Variants in RFX7 observed in about 807,000 individuals in gnomAD.
RFX7 encodes DNA-binding protein RFX7.
A neutral mutation model predicts 111.8 loss-of-function variants in RFX7; 26 were observed. The ratio of observed to expected loss-of-function variants is 0.23; its 90% confidence interval spans 0.17 to 0.32. The LOEUF (loss-of-function observed/expected upper bound fraction) is 0.32, where lower values mean the gene tolerates loss of function less well. RFX7 is among the 10% of genes least tolerant of loss of function. RFX7 has a pLI of 1.00. For missense variants in RFX7, 1,573 were observed against 1,772.9 expected (o/e 0.89, Z 2.02); for synonymous variants, 624 against 624.4 (o/e 1.00, Z 0.01).
At chr15:56,125,020 TA>T (rs2042124459) in intron 5 of RFX7, among the ~76,000 whole-genome samples, 1 of 152,218 alleles carries the variant, frequency 6.6e-6, no homozygotes. Flanking sequence ...CATTTTGAGT[TA>T]ATTTTTGTAT....
At chr15:56,158,778 G>A (rs535973470) in intron 3 of RFX7, among the ~76,000 whole-genome samples, 60 of 152,198 alleles carry the variant, frequency 3.9e-4, no homozygotes, top group Middle Eastern at 3.4e-3. Flanking sequence ...AGCCAGGATT[G>A]TGCCACTACA....
intron 5 of RFX7, among the ~76,000 whole-genome samples, chr15:56,113,668 A>AT (rs1476517015): frequency 1.4e-3 from 131 of 96,828 alleles, no homozygotes; most frequent in Non-Finnish European, 2.4e-3. Flanking sequence ...GTAAAATAAA[A>AT]TTAAAAAAAA....
chr15:56,184,193 ATTTTTTTTTT>A (rs35880948), intron 2 of RFX7, among the ~76,000 whole-genome samples: 1 of 80,734 alleles, frequency 1.2e-5, no homozygotes, highest in South Asian at 4.6e-4. Flanking sequence ...CTAATTTTGT[ATTTTTTTTTT>A]TTTTTTTTTT....
rs869249448 is a variant in RFX7, at chr15:56,218,144, C to CTTTTT, written c.161+24976_161+24980dup. Reference sequence around the variant, plus strand: ...TTACAAGTAATTTAGAAATGATTTTCTTTTTTTTTTTTTTTTTTTTTTTTT... The same window carrying CTTTTT: ...TTACAAGTAATTTAGAAATGATTTTCTTTTTTTTTTTTTTTTTTTTTTTTTTTTTT... On this transcript the variant is annotated intron_variant, in intron 2 of 9. Transcript: ENST00000559447. Among the ~76,000 whole-genome samples, 21 of 57,968 alleles carry CTTTTT rather than the reference C, an allele frequency of 3.6e-4. 2 individuals carry two copies. Among genetic ancestry groups the CTTTTT allele is most frequent in the African/African-American group, 7.9e-4 (11 of 13,870 alleles). The allele number at this position is 57,968 out of a possible 152,430, so 38.0% of individuals were successfully genotyped here.
intron 2 of RFX7, among the ~76,000 whole-genome samples, chr15:56,200,874 A>G (rs1293396869): frequency 1.3e-5 from 2 of 152,206 alleles, no homozygotes; most frequent in African/African-American, 4.8e-5. Context: ...ATGTGACTTC[A>G]ATTTTTTGAA....
At chr15:56,181,888 G>A (rs191397445) in intron 2 of RFX7, among the ~76,000 whole-genome samples, 71 of 152,214 alleles carry the variant, frequency 4.7e-4, no homozygotes, top group African/African-American at 1.6e-3. Context: ...GCAACCAAGC[G>A]CATTACTGCC....
chr15:56,202,743 C>T (rs537843817), intron 2 of RFX7, among the ~76,000 whole-genome samples: 22 of 152,316 alleles, frequency 1.4e-4, no homozygotes, highest in Admixed American at 9.1e-4. Context: ...GCCAAGGAGT[C>T]TGAGGCTGCA....
chr15:56,231,429 G>A (rs773676597), intron 2 of RFX7, among the ~76,000 whole-genome samples: 1 of 152,128 alleles, frequency 6.6e-6, no homozygotes, highest in Non-Finnish European at 1.5e-5. Context: ...GAGAAGATGA[G>A]AGTCAAGTGA....
At chr15:56,217,519 A>G (rs937099587) in intron 2 of RFX7, among the ~76,000 whole-genome samples, 1 of 151,280 alleles carries the variant, frequency 6.6e-6, no homozygotes, top group Non-Finnish European at 1.5e-5. Context: ...CTTTCTCTTG[A>G]TGTCATAAAG....
chr15:56,144,607 G>A lies in RFX7; in HGVS notation c.196-124C>T, dbSNP rs1304569077. 3 of 329,866 alleles carry A rather than the reference G, an allele frequency of 9.1e-6. No homozygotes were observed. In the East Asian group the frequency reaches 2.2e-4, roughly 24 times the overall value. The allele number at this position is 329,866 out of a possible 1,614,324, so 20.4% of individuals were successfully genotyped here. On this transcript the variant is annotated intron_variant, in intron 3 of 9. Transcript: ENST00000559447. ...TAAATTTAAAACAGATGAATCATCT[G>A]TCTTTTCTCATCACTAAAATAATAC...
Position 56,089,975 on chromosome 15 carries a change from G to T in RFX7, c.*3370C>A, listed in dbSNP as rs776227965. 10 of 152,140 alleles carry T rather than the reference G, an allele frequency of 6.6e-5. No homozygotes were observed. Among genetic ancestry groups the T allele is most frequent in the South Asian group, 6.2e-4 (3 of 4,814 alleles). The allele number at this position is 152,140 out of a possible 1,614,324, so 9.4% of individuals were successfully genotyped here. Reference sequence around the variant, plus strand: ...ATAGTCCCTGGCACTGGTTGTTGTTGCTTCTCAGTTTCAAGAGTGAGGAAA... The same window carrying T: ...ATAGTCCCTGGCACTGGTTGTTGTTTCTTCTCAGTTTCAAGAGTGAGGAAA... On this transcript the variant is annotated 3_prime_UTR_variant, in exon 10 of 10. Coordinates refer to ENST00000559447, the MANE Select transcript of RFX7 (RefSeq NM_022841.7).
intron 3 of RFX7, among the ~76,000 whole-genome samples, chr15:56,147,093 A>T (rs2042486628): frequency 6.6e-6 from 1 of 152,238 alleles, no homozygotes; most frequent in South Asian, 2.1e-4. Flanking sequence ...TGACAATTTA[A>T]ATGATAAGAA....
intron 5 of RFX7, among the ~76,000 whole-genome samples, chr15:56,141,835 G>A (rs1461613434): frequency 6.6e-6 from 1 of 151,300 alleles, no homozygotes; most frequent in African/African-American, 2.4e-5. Flanking sequence ...TTTGTAAAGA[G>A]AAAATAAATC....
At chr15:56,108,356 T>A (rs1447249280) in intron 5 of RFX7, among the ~76,000 whole-genome samples, 1 of 152,112 alleles carries the variant, frequency 6.6e-6, no homozygotes, top group East Asian at 1.9e-4. Flanking sequence ...TCCACCACCA[T>A]CAAGTCAGCT....
chr15:56,181,619 G>A (rs2042974904), intron 2 of RFX7, among the ~76,000 whole-genome samples: 1 of 152,068 alleles, frequency 6.6e-6, no homozygotes, highest in Non-Finnish European at 1.5e-5. Flanking sequence ...TCCTTGGAAA[G>A]ACTGGGACCA....
chr15:56,170,205 C>A (rs866249996), intron 3 of RFX7, among the ~76,000 whole-genome samples: 1 of 151,990 alleles, frequency 6.6e-6, no homozygotes, highest in East Asian at 1.9e-4. Flanking sequence ...AATAAAAATG[C>A]CAATTATAAC....
At chr15:56,106,179 A>G (rs1321737162) in intron 5 of RFX7, among the ~76,000 whole-genome samples, 1 of 152,204 alleles carries the variant, frequency 6.6e-6, no homozygotes, top group Non-Finnish European at 1.5e-5. Flanking sequence ...TGGTATACAG[A>G]TGACCAATGC....
chr15:56,223,263 G>C (rs190680147), intron 2 of RFX7, among the ~76,000 whole-genome samples: 16 of 152,296 alleles, frequency 1.1e-4, no homozygotes, highest in Admixed American at 2.6e-4. Context: ...GGTTTCTGAA[G>C]CTTCTCTAAG....
intron 2 of RFX7, among the ~76,000 whole-genome samples, chr15:56,191,087 G>T (rs1441134185): frequency 6.6e-6 from 1 of 152,190 alleles, no homozygotes; most frequent in East Asian, 1.9e-4. Flanking sequence ...CATCAGTAGG[G>T]CTCCCTTCCT....
Sources: gnomAD v4.1 joint callset for allele counts (sites outside exome capture counted in the v4.1 genomes callset) on GRCh38, gnomAD v4.1.1 for gene constraint, MANE v1.5 for transcripts, NCBI Gene and HGNC (gene_info 2026-07-23, HGNC 2026-07-21) for gene names.